Variants in SLC35E3 observed in about 807,000 individuals in gnomAD.
The protein encoded by SLC35E3 is solute carrier family 35 member E3.
SLC35E3 carries 28 observed loss-of-function variants against 30.8 expected under a neutral mutation model. The observed-to-expected ratio is 0.91, with a 90% confidence interval of 0.67 to 1.25. The LOEUF (loss-of-function observed/expected upper bound fraction) is 1.25. Among genes scored for constraint, SLC35E3 ranks in the 50% most tolerant of loss-of-function variants. The probability of loss-of-function intolerance (pLI) is 0.00; values close to 1 mark genes in which losing one functional copy is unlikely to be tolerated. For synonymous variants in SLC35E3, 146 were observed against 149.2 expected, an observed-to-expected ratio of 0.98 and a Z score of 0.16; for missense variants, 365 against 375.4, an observed-to-expected ratio of 0.97 and a Z score of 0.23.
Position 68,752,025 on chromosome 12 carries a change from T to G in SLC35E3, c.514-7T>G. ...GTGCCAGACATGTTTTATCTCCTAA[T>G]TTTCAGTGGGTAGGAGCCAAACAGC... On this transcript the variant is annotated splice_polypyrimidine_tract_variant and splice_region_variant and intron_variant, in intron 2 of 4. Transcript: ENST00000398004. The G allele has an allele frequency of 6.4e-7, 1 of 1,568,192 alleles. No individual in the cohort carries two copies. Among genetic ancestry groups the G allele is most frequent in the South Asian group, 1.2e-5 (1 of 83,826 alleles).
intron 3 of SLC35E3, among the ~76,000 whole-genome samples, chr12:68,758,419 CA>C (rs149499640): frequency 2.8e-5 from 4 of 141,904 alleles, no homozygotes; most frequent in Admixed American, 1.4e-4. Context: ...AACTCCGTCT[CA>C]AAAAAAAAAG....
intron 3 of SLC35E3, among the ~76,000 whole-genome samples, chr12:68,753,111 C>CAAAAA (rs34737156): frequency 3.3e-5 from 4 of 122,406 alleles, no homozygotes; most frequent in Non-Finnish European, 7.0e-5. Context: ...ACACCTGTCT[C>CAAAAA]AAAAAAAAAA....
In SLC35E3 at chr12:68,764,980, G is replaced by C; in HGVS notation, c.*90G>C. 2 of 1,274,402 alleles carry C rather than the reference G, an allele frequency of 1.6e-6. No individual in the cohort carries two copies. The highest frequency in any genetic ancestry group is 3.9e-4 in the Middle Eastern group (2 of 5,074). 78.9% of individuals were successfully genotyped at this position (1,274,402 alleles called of 1,614,324 possible). ...TTATTAAAAAAAAAAAATTGGGCCA[G>C]GCACGGTGGCTCACGCCTGTAATCC... is the stretch of plus-strand genomic sequence containing the variant. On this transcript the variant is annotated 3_prime_UTR_variant, in exon 5 of 5. Coordinates refer to ENST00000398004, the MANE Select transcript of SLC35E3 (RefSeq NM_018656.5).
rs1246368665 is a variant in SLC35E3, at chr12:68,769,284, C to T, written c.*4394C>T. ...TAACAAAGCAGCAACATTAATCAAG[C>T]ACTCTGTATTCACTCCGTCAGTAAA... On this transcript the variant is annotated 3_prime_UTR_variant, in exon 5 of 5. Transcript: ENST00000398004. 4 of 151,810 alleles carry T rather than the reference C, an allele frequency of 2.6e-5. No homozygotes were observed. The East Asian group carries it at 7.8e-4, about 30-fold the overall frequency. The allele number at this position is 151,810 out of a possible 1,614,324, so 9.4% of individuals were successfully genotyped here.
Position 68,768,419 on chromosome 12 carries a change from A to G in SLC35E3, c.*3529A>G, listed in dbSNP as rs1014593861. ...ACAGGATGGGGTTACATGTATATAA[A>G]TGAATAAAATAAGTACTGCTAAAAC... is the stretch of plus-strand genomic sequence containing the variant. On this transcript the variant is annotated 3_prime_UTR_variant, in exon 5 of 5. Transcript: ENST00000398004. 1 of 152,164 alleles carries G rather than the reference A, an allele frequency of 6.6e-6. No individual in the cohort carries two copies. The highest frequency in any genetic ancestry group is 2.4e-5 in the African/African-American group (1 of 41,454). 9.4% of individuals were successfully genotyped at this position (152,164 alleles called of 1,614,324 possible).
intron 2 of SLC35E3, among the ~76,000 whole-genome samples, chr12:68,748,641 A>T (rs773315045): frequency 6.6e-6 from 1 of 152,122 alleles, no homozygotes; most frequent in Non-Finnish European, 1.5e-5. Context: ...ATGTTCATGG[A>T]TTCACTTACT....
intron 3 of SLC35E3, among the ~76,000 whole-genome samples, chr12:68,756,743 T>C (rs1879022843): frequency 6.6e-6 from 1 of 152,314 alleles, no homozygotes; most frequent in African/African-American, 2.4e-5. Context: ...GGCTCACCCC[T>C]GTAATCCCAG....
intron 4 of SLC35E3, 106 bp downstream of exon 4, chr12:68,759,345 T>C (rs1879161997): frequency 2.5e-6 from 2 of 786,876 alleles, no homozygotes; most frequent in Admixed American, 2.3e-5. Context: ...ATGGCCTAAA[T>C]TGAGTAGAGA....
intron 1 of SLC35E3, among the ~76,000 whole-genome samples, chr12:68,747,381 T>A (rs1223470084): frequency 6.6e-6 from 1 of 152,076 alleles, no homozygotes; most frequent in African/African-American, 2.4e-5. Context: ...GCGATTCTCC[T>A]GCCTCAGCCT....
intron 3 of SLC35E3, among the ~76,000 whole-genome samples, chr12:68,758,735 T>A (rs1377341274): frequency 2.9e-5 from 3 of 102,636 alleles, no homozygotes; most frequent in African/African-American, 1.2e-4. Flanking sequence ...CTTTCTTTTT[T>A]TTTTTTTTTT....
intron 4 of SLC35E3, among the ~76,000 whole-genome samples, chr12:68,760,364 A>C (rs1879200440): frequency 6.6e-6 from 1 of 152,238 alleles, no homozygotes; most frequent in Non-Finnish European, 1.5e-5. Flanking sequence ...AATAAAAAAC[A>C]ACAACGATAA....
At chr12:68,757,029 TA>T (rs1212876322) in intron 3 of SLC35E3, among the ~76,000 whole-genome samples, 1 of 152,034 alleles carries the variant, frequency 6.6e-6, no homozygotes, top group East Asian at 1.9e-4. Context: ...AATAAATAAA[TA>T]ATGGCATGAT....
At position 68,746,348 on chromosome 12, in the gene SLC35E3, A is replaced by T; in HGVS notation, c.-30A>T. ...GGAGACAGGCCCGGCGCCCCTTCCG[A>T]GGCTAGACGGCCCCAGCTTCGCGGG... is the stretch of plus-strand genomic sequence containing the variant. On this transcript the variant is annotated 5_prime_UTR_variant, in exon 1 of 5. Coordinates refer to ENST00000398004, the MANE Select transcript of SLC35E3 (RefSeq NM_018656.5). 1 of 1,535,666 alleles carries T rather than the reference A, an allele frequency of 6.5e-7. No individual in the cohort carries two copies. The highest frequency in any genetic ancestry group is 8.7e-7 in the Non-Finnish European group (1 of 1,143,688).
Position 68,767,284 on chromosome 12 carries a change from A to G in SLC35E3, c.*2394A>G, listed in dbSNP as rs1485246757. The stretch of plus-strand genomic sequence containing the variant: ...TTCATTTTCTAAATGTTATTTATCA[A>G]CTTTCATGGAGAAAACAACTCTTAG... On this transcript the variant is annotated 3_prime_UTR_variant, in exon 5 of 5. Coordinates refer to ENST00000398004, the MANE Select transcript of SLC35E3 (RefSeq NM_018656.5). The G allele has an allele frequency of 2.6e-5, 4 of 152,158 alleles. No homozygotes were observed. Among genetic ancestry groups the G allele is most frequent in the Non-Finnish European group, 5.9e-5 (4 of 68,032 alleles). The allele number at this position is 152,158 out of a possible 1,614,324, so 9.4% of individuals were successfully genotyped here.
intron 3 of SLC35E3, 152 bp downstream of exon 3, chr12:68,752,342 T>G: frequency 2.3e-6 from 2 of 862,634 alleles, no homozygotes; most frequent in Non-Finnish European, 3.4e-6. Context: ...AGGATTCTTT[T>G]TCAGATGAAG....
Position 68,746,431 on chromosome 12 carries a change from C to T in SLC35E3, c.54C>T (p.Leu18=). 4 of 1,612,918 alleles carry T rather than the reference C, an allele frequency of 2.5e-6. 1 individual carries two copies. Among genetic ancestry groups the T allele is most frequent in the East Asian group, 4.5e-5 (2 of 44,854 alleles). ...VRGHWRIAAG[L]LFNLLVSICI... ...GCCACTGGCGAATCGCCGCCGGGCTCCTGTTCAACCTGCTGGTGTCCATCT... is the reference window on the plus strand; with the variant it reads ...GCCACTGGCGAATCGCCGCCGGGCTTCTGTTCAACCTGCTGGTGTCCATCT... The change falls in exon 1 of 5, where the codon CTC becomes CTT. Residue 18 remains leucine, a synonymous_variant. Transcript: ENST00000398004.
intron 3 of SLC35E3, among the ~76,000 whole-genome samples, chr12:68,756,877 T>C (rs1028074393): frequency 3.9e-5 from 6 of 152,080 alleles, no homozygotes; most frequent in African/African-American, 1.2e-4. Flanking sequence ...TAGCTGGGCG[T>C]GGTGGCTGGT....
Position 68,781,308 on chromosome 12 carries a change from C to T in SLC35E3, c.*16418C>T, listed in dbSNP as rs1879878522. The T allele has an allele frequency of 6.6e-6, 1 of 152,100 alleles. No homozygotes were observed. The highest frequency in any genetic ancestry group is 6.5e-5 in the Admixed American group (1 of 15,272). The allele number at this position is 152,100 out of a possible 1,614,324, so 9.4% of individuals were successfully genotyped here. On this transcript the variant is annotated 3_prime_UTR_variant, in exon 5 of 5. Coordinates refer to ENST00000398004, the MANE Select transcript of SLC35E3 (RefSeq NM_018656.5). Reference sequence around the variant, plus strand: ...TGAATGTTCCCATGCTGAAGATTCTCTCAAAAAGGGAAAAAACAAGATCCT... The same window carrying T: ...TGAATGTTCCCATGCTGAAGATTCTTTCAAAAAGGGAAAAAACAAGATCCT...
Position 68,746,642 on chromosome 12 carries a change from G to A in SLC35E3, c.265G>A (p.Val89Ile). 6.2e-7 allele frequency: 1 copy of A among 1,614,192 alleles called. No homozygotes were observed. Among genetic ancestry groups the A allele is most frequent in the Non-Finnish European group, 8.5e-7 (1 of 1,180,036 alleles). ...LLALSFCGFV[V>I]FTNLSLQNNT... ...GGCCCTCAGCTTCTGTGGCTTTGTG[G>A]TCTTCACTAACCTTTCTCTGCAGAA... Residue 89 changes from valine to isoleucine, a missense_variant, in exon 1 of 5, where the codon GTC becomes ATC. Coordinates refer to ENST00000398004, the MANE Select transcript of SLC35E3 (RefSeq NM_018656.5).
Sources: allele counts gnomAD v4.1 joint callset (sites outside exome capture counted in the v4.1 genomes callset), GRCh38; gene constraint gnomAD v4.1.1; transcripts MANE v1.5; gene names NCBI Gene and HGNC (gene_info 2026-07-23, HGNC 2026-07-21).